SNAP91: variants seen among roughly 807,000 people sequenced by gnomAD.
The protein encoded by SNAP91 is synaptosome associated protein 91.
A neutral mutation model predicts 100.3 loss-of-function variants in SNAP91; 27 were observed. The observed-to-expected ratio is 0.27, with a 90% CI of 0.20 to 0.37. The LOEUF (loss-of-function observed/expected upper bound fraction) is 0.37, where lower values mean the gene tolerates loss of function less well. Among genes scored for constraint, SNAP91 ranks in the 10% least tolerant of loss-of-function variants. SNAP91 has a pLI of 1.00. For missense variants in SNAP91, 986 were observed against 1,123.7 expected (o/e 0.88, Z 1.75); for synonymous variants, 404 against 398.6 (o/e 1.01, Z -0.16).
At chr6:83,559,036 T>C (rs914170616) in intron 28 of SNAP91, among the ~76,000 whole-genome samples, 1 of 152,102 alleles carries the variant, frequency 6.6e-6, no homozygotes, top group African/African-American at 2.4e-5. Flanking sequence ...TAAACTGAGG[T>C]TTTTTCCTTT....
At chr6:83,671,328 T>A (rs868221704) in intron 2 of SNAP91, among the ~76,000 whole-genome samples, 1 of 152,140 alleles carries the variant, frequency 6.6e-6, no homozygotes, top group African/African-American at 2.4e-5. Context: ...GAAATATAAA[T>A]GATTTCTGTA....
At chr6:83,619,875 T>C (rs2096644221) in intron 9 of SNAP91, among the ~76,000 whole-genome samples, 1 of 152,186 alleles carries the variant, frequency 6.6e-6, no homozygotes, top group African/African-American at 2.4e-5. Context: ...TTATAAAGCA[T>C]CATTAAAACC....
intron 2 of SNAP91, among the ~76,000 whole-genome samples, chr6:83,688,642 TAC>T (rs1272883746): frequency 6.6e-6 from 1 of 152,012 alleles, no homozygotes; most frequent in Non-Finnish European, 1.5e-5. Flanking sequence ...GAGCTGGGAC[TAC>T]AGACATATGT....
intron 8 of SNAP91, among the ~76,000 whole-genome samples, chr6:83,625,641 T>A (rs1422620631): frequency 6.6e-6 from 1 of 152,172 alleles, no homozygotes; most frequent in Non-Finnish European, 1.5e-5. Flanking sequence ...TTAGTGATGC[T>A]AAGCATTTTT....
At chr6:83,704,437 T>C (rs1167238685) in intron 2 of SNAP91, among the ~76,000 whole-genome samples, 2 of 152,158 alleles carry the variant, frequency 1.3e-5, no homozygotes, top group Non-Finnish European at 2.9e-5. Context: ...AAAAAAAATC[T>C]GGGAATAAAT....
At chr6:83,675,143 G>A (rs1490285555) in intron 2 of SNAP91, among the ~76,000 whole-genome samples, 2 of 152,162 alleles carry the variant, frequency 1.3e-5, no homozygotes, top group Admixed American at 6.5e-5. Context: ...TGGATGAATA[G>A]GGCAAGTAAG....
intron 16 of SNAP91, among the ~76,000 whole-genome samples, chr6:83,595,681 T>A (rs1242098739): frequency 6.6e-6 from 1 of 152,164 alleles, no homozygotes; most frequent in Admixed American, 6.5e-5. Flanking sequence ...CAATATCTAC[T>A]CATGTTTCCT....
At chr6:83,574,692 T>C (rs1562164605) in intron 26 of SNAP91, among the ~76,000 whole-genome samples, 1 of 152,148 alleles carries the variant, frequency 6.6e-6, no homozygotes, top group Non-Finnish European at 1.5e-5. Context: ...ATATTTAAAA[T>C]TTTTAAAAGG....
chr6:83,701,837 C>A (rs2129052037), intron 2 of SNAP91, among the ~76,000 whole-genome samples: 1 of 152,354 alleles, frequency 6.6e-6, no homozygotes, highest in South Asian at 2.1e-4. Flanking sequence ...GATCCTCACA[C>A]ATCTGGGACA....
At position 83,576,907 on chromosome 6, in the gene SNAP91, G is replaced by A. The variant is rs547575139; in HGVS notation, c.2300-854C>T. Among the ~76,000 whole-genome samples the A allele has an allele frequency of 2.0e-4, 30 of 152,220 alleles. 1 individual carries two copies. The highest frequency in any genetic ancestry group is 1.4e-3 in the Admixed American group (22 of 15,292). ...ATGCCAGGCACTGTTTTAGGCACCCGGAACATATTAGTAAAGAAAACAGTC... is the reference window on the plus strand; with the variant it reads ...ATGCCAGGCACTGTTTTAGGCACCCAGAACATATTAGTAAAGAAAACAGTC... On this transcript the variant is annotated intron_variant, in intron 24 of 29. Transcript: ENST00000369694.
chr6:83,654,269 T>C (rs536755991), intron 7 of SNAP91, among the ~76,000 whole-genome samples: 3 of 152,194 alleles, frequency 2.0e-5, no homozygotes, highest in Non-Finnish European at 2.9e-5. Flanking sequence ...ACTCCTTGTA[T>C]TTGTCTGTCT....
At chr6:83,686,693 T>G (rs1160394090) in intron 2 of SNAP91, 1 of 152,246 alleles carries the variant, frequency 6.6e-6, no homozygotes, top group African/African-American at 2.4e-5. Flanking sequence ...TTATATCCAT[T>G]TGGATTAACA....
Position 83,707,528 on chromosome 6 carries a change from T to A in SNAP91, c.130+270A>T, listed in dbSNP as rs2099396690. Among the ~76,000 whole-genome samples the A allele has an allele frequency of 2.3e-5, 3 of 128,414 alleles. No individual in the cohort carries two copies. In the South Asian group the frequency reaches 7.6e-4, roughly 33 times the overall value. 84.2% of individuals were successfully genotyped at this position (128,414 alleles called of 152,430 possible). A position where few individuals can be genotyped will look rare whatever the true frequency, so the allele number is the denominator to read the frequency against. On this transcript the variant is annotated intron_variant, in intron 2 of 29. Coordinates refer to ENST00000369694, the MANE Select transcript of SNAP91 (RefSeq NM_001242792.2). ...AATCTCTCTCTTGTGTGTGTGTATA[T>A]ACATATGCGTGTGTGTGTGTGTGTG...
intron 26 of SNAP91, 43 bp from the exon 27 acceptor site, chr6:83,560,990 C>G (rs775901094): frequency 2.5e-5 from 32 of 1,257,344 alleles, no homozygotes; most frequent in Non-Finnish European, 3.4e-5. Context: ...AACACAAAAA[C>G]ACACAAACAC....
chr6:83,705,627 A>G (rs1207114488), intron 2 of SNAP91, among the ~76,000 whole-genome samples: 1 of 152,144 alleles, frequency 6.6e-6, no homozygotes, highest in African/African-American at 2.4e-5. Context: ...CAACATGAAG[A>G]AACCCCATCT....
In SNAP91 at chr6:83,691,039, C is replaced by CT. The variant is rs1445100670; in HGVS notation, c.130+16758dup. Among the ~76,000 whole-genome samples the CT allele has an allele frequency of 9.9e-5, 15 of 152,100 alleles. No individual in the cohort carries two copies. In the East Asian group the frequency reaches 2.3e-3, roughly 24 times the overall value. ...GGTAGACATTTGCCCTTTTCACACT[C>CT]TTAAATAGAGCCTGGCTAATTGTAG... is the stretch of plus-strand genomic sequence containing the variant. On this transcript the variant is annotated intron_variant, in intron 2 of 29. Transcript: ENST00000369694.
chr6:83,688,720 G>C (rs2099094667), intron 2 of SNAP91, among the ~76,000 whole-genome samples: 1 of 151,940 alleles, frequency 6.6e-6, no homozygotes, highest in Non-Finnish European at 1.5e-5. Context: ...GGCCAGGATG[G>C]CTTTGATCTC....
chr6:83,575,946 T>C, intron 25 of SNAP91, 77 bp downstream of exon 25: 1 of 736,232 alleles, frequency 1.4e-6, no homozygotes, highest in Non-Finnish European at 2.2e-6. Context: ...ATTACTCCAA[T>C]GAGTAAAATG....
chr6:83,563,725 A>G (rs1298974721), intron 26 of SNAP91, among the ~76,000 whole-genome samples: 3 of 152,220 alleles, frequency 2.0e-5, no homozygotes, highest in Non-Finnish European at 4.4e-5. Context: ...GCAATGAATA[A>G]TCGAAAAATT....
Sources: allele counts gnomAD v4.1 joint callset (sites outside exome capture counted in the v4.1 genomes callset), GRCh38; gene constraint gnomAD v4.1.1; transcripts MANE v1.5; gene names NCBI Gene and HGNC (gene_info 2026-07-23, HGNC 2026-07-21).